The following SLC18A2 variants were observed in gnomAD, a reference collection of about 807,000 sequenced individuals.
The protein encoded by SLC18A2 is solute carrier family 18 member A2, also known as synaptic vesicular amine transporter.
SLC18A2 carries 33 observed loss-of-function variants against 59.2 expected under a neutral mutation model. That is an observed-to-expected ratio of 0.56 (90% confidence interval 0.42 to 0.75). The LOEUF (loss-of-function observed/expected upper bound fraction) is 0.75. SLC18A2 is among the 30% of genes least tolerant of loss of function. The pLI is 0.00. For missense variants in SLC18A2, 569 were observed against 668.6 expected, an observed-to-expected ratio of 0.85 and a Z score of 1.64; for synonymous variants, 228 against 253.5, an observed-to-expected ratio of 0.90 and a Z score of 0.95.
chr10:117,255,587 T>G lies in SLC18A2; in HGVS notation c.835-10T>G. The G allele has an allele frequency of 6.2e-7, 1 of 1,614,082 alleles. No individual in the cohort carries two copies. Among genetic ancestry groups the G allele is most frequent in the Middle Eastern group, 1.7e-4 (1 of 6,046 alleles). ...GGTGCTGCTTCTGACCCGTGTTTTTTTCTTGACAGAGTCAGAAGGGGACAC... is the reference window on the plus strand; with the variant it reads ...GGTGCTGCTTCTGACCCGTGTTTTTGTCTTGACAGAGTCAGAAGGGGACAC... On this transcript the variant is annotated splice_polypyrimidine_tract_variant and intron_variant, in intron 8 of 15. Transcript: ENST00000644641.
intron 7 of SLC18A2, 51 bp from the exon 8 acceptor site, chr10:117,255,428 C>G: frequency 1.2e-6 from 2 of 1,614,080 alleles, no homozygotes; most frequent in Non-Finnish European, 1.7e-6. Context: ...CGCGCTTGGG[C>G]CACACCTGCT....
At chr10:117,267,164 T>G (rs1479172006) in intron 12 of SLC18A2, 129 bp downstream of exon 12, 10 of 702,372 alleles carry the variant, frequency 1.4e-5, no homozygotes, top group Non-Finnish European at 2.2e-5. Context: ...CATTTTATTC[T>G]AATTTTTTAT....
At chr10:117,245,693 C>A (rs545228887) in intron 3 of SLC18A2, among the ~76,000 whole-genome samples, 1 of 152,074 alleles carries the variant, frequency 6.6e-6, no homozygotes, top group Admixed American at 6.5e-5. Flanking sequence ...AGAGCAGAGC[C>A]CTGTGCGACT....
intron 15 of SLC18A2, among the ~76,000 whole-genome samples, chr10:117,270,782 A>G (rs763164104): frequency 2.0e-5 from 3 of 152,194 alleles, no homozygotes; most frequent in Non-Finnish European, 4.4e-5. Context: ...TCTTGGACAC[A>G]ATCTTTCTGC....
At chr10:117,272,802 G>A (rs1472702706) in intron 15 of SLC18A2, among the ~76,000 whole-genome samples, 2 of 152,196 alleles carry the variant, frequency 1.3e-5, no homozygotes, top group African/African-American at 4.8e-5. Context: ...TGACATTTGA[G>A]AGTGGTGGCC....
At chr10:117,258,766 C>T (rs542519764) in intron 10 of SLC18A2, among the ~76,000 whole-genome samples, 2 of 106,128 alleles carry the variant, frequency 1.9e-5, no homozygotes, top group African/African-American at 6.9e-5. Flanking sequence ...ACCCCCGACT[C>T]TTTTTTTTTT....
At chr10:117,263,947 G>A (rs1232013577) in intron 10 of SLC18A2, among the ~76,000 whole-genome samples, 1 of 152,214 alleles carries the variant, frequency 6.6e-6, no homozygotes, top group Admixed American at 6.5e-5. Flanking sequence ...GCCTGCCATA[G>A]GACAGGGCAG....
intron 8 of SLC18A2, 26 bp downstream of exon 8, chr10:117,255,548 G>A: frequency 1.9e-6 from 3 of 1,614,088 alleles, no homozygotes; most frequent in Non-Finnish European, 2.5e-6. Flanking sequence ...TGAGGGCCCT[G>A]GGGGAGGGGG....
chr10:117,243,921 GA>G, intron 2 of SLC18A2, 49 bp from the exon 3 acceptor site: 1 of 1,470,536 alleles, frequency 6.8e-7, no homozygotes, highest in Non-Finnish European at 9.3e-7. Context: ...TTTTTTCCTG[GA>G]GAGGGTTTCA....
intron 3 of SLC18A2, among the ~76,000 whole-genome samples, chr10:117,246,234 T>G (rs1844109429): frequency 6.6e-6 from 1 of 152,248 alleles, no homozygotes; most frequent in Non-Finnish European, 1.5e-5. Flanking sequence ...GCCAATCACT[T>G]GGGTGGAACG....
At chr10:117,264,229 G>A (rs1329170318) in intron 10 of SLC18A2, among the ~76,000 whole-genome samples, 1 of 152,228 alleles carries the variant, frequency 6.6e-6, no homozygotes. Context: ...TTGCCCCGCA[G>A]AAGGGAGGGT....
At chr10:117,277,055 T>C (rs1186271051) in intron 15 of SLC18A2, 107 bp from the exon 16 acceptor site, 1 of 628,836 alleles carries the variant, frequency 1.6e-6, no homozygotes, top group Non-Finnish European at 2.7e-6. Context: ...TAATAGCAAG[T>C]AATACTACAT....
chr10:117,264,939 T>TTTAAAC, intron 10 of SLC18A2, among the ~76,000 whole-genome samples: 1 of 152,294 alleles, frequency 6.6e-6, no homozygotes, highest in South Asian at 2.1e-4. Context: ...TGTTCCTTAC[T>TTTAAAC]TGGCCAGGTC....
chr10:117,254,299 A>G (rs1321489758), intron 5 of SLC18A2, 106 bp from the exon 6 acceptor site: 2 of 1,181,750 alleles, frequency 1.7e-6, no homozygotes, highest in African/African-American at 3.0e-5. Flanking sequence ...TGAATCTGAC[A>G]GGTTTGGGAA....
Position 117,254,423 on chromosome 10 carries a change from G to A in SLC18A2, c.626G>A (p.Ser209Asn), listed in dbSNP as rs777586782. The A allele has an allele frequency of 6.2e-7, 1 of 1,603,104 alleles. No homozygotes were observed. The highest frequency in any genetic ancestry group is 1.3e-5 in the African/African-American group (1 of 74,510). Reference protein sequence around the residue: ...SSVAGMGMLASVYTDDEERGN... With the variant: ...SSVAGMGMLANVYTDDEERGN... The stretch of plus-strand genomic sequence containing the variant: ...TGTGTAGGGATGGGCATGCTTGCCA[G>A]TGTCTACACAGATGATGAAGAGAGA... The change falls in exon 6 of 16, where the codon AGT (serine) becomes AAT (asparagine). Residue 209 changes from serine (S) to asparagine (N), a missense_variant. By Grantham distance (46) the Ser-to-Asn change is conservative. Transcript: ENST00000644641.
Position 117,253,970 on chromosome 10 carries a change from G to T in SLC18A2, c.524-78G>T, listed in dbSNP as rs537379738. On this transcript the variant is annotated intron_variant, in intron 4 of 15. Transcript: ENST00000644641. ...CAAATGCTCCACTGGGTTAAGGGGG[G>T]CTTCTGAAACGTTCCTGTTTGGGAC... 3.1e-6 allele frequency: 4 copies of T among 1,302,124 alleles called. No homozygotes were observed. In the African/African-American group the frequency reaches 5.8e-5, roughly 19 times the overall value. The allele number at this position is 1,302,124 out of a possible 1,614,324, so 80.7% of individuals were successfully genotyped here. A position where few individuals can be genotyped will look rare whatever the true frequency, so the allele number is the denominator to read the frequency against.
chr10:117,255,535 G>A lies in SLC18A2; in HGVS notation c.834+13G>A. The A allele has an allele frequency of 6.2e-7, 1 of 1,614,184 alleles. No homozygotes were observed. The highest frequency in any genetic ancestry group is 8.5e-7 in the Non-Finnish European group (1 of 1,180,042). ...GGTGCAGCCAGAGGTAAGCGGCTGGGAATGAGGGCCCTGGGGGAGGGGGCA... is the reference window on the plus strand; with the variant it reads ...GGTGCAGCCAGAGGTAAGCGGCTGGAAATGAGGGCCCTGGGGGAGGGGGCA... On this transcript the variant is annotated intron_variant, in intron 8 of 15. Transcript: ENST00000644641.
rs1265705268 is a variant in SLC18A2 at position 117,277,520 on chromosome 10, T to C, written c.*254T>C. On this transcript the variant is annotated 3_prime_UTR_variant, in exon 16 of 16. Coordinates refer to ENST00000644641, the MANE Select transcript of SLC18A2 (RefSeq NM_003054.6). Reference sequence around the variant, plus strand: ...TTTAATTTTATTAAATATCATACAATATATTTTGATGAAATAGGTATTGTG... The same window carrying C: ...TTTAATTTTATTAAATATCATACAACATATTTTGATGAAATAGGTATTGTG... The C allele has an allele frequency of 1.4e-5, 3 of 219,808 alleles. No individual in the cohort carries two copies. Among genetic ancestry groups the C allele is most frequent in the Non-Finnish European group, 2.7e-5 (3 of 112,710 alleles). The allele number at this position is 219,808 out of a possible 1,614,324, so 13.6% of individuals were successfully genotyped here. A position where few individuals can be genotyped will look rare whatever the true frequency, so the allele number is the denominator to read the frequency against.
chr10:117,257,104 G>A (rs1290885337), intron 9 of SLC18A2, among the ~76,000 whole-genome samples: 1 of 152,174 alleles, frequency 6.6e-6, no homozygotes, highest in African/African-American at 2.4e-5. Flanking sequence ...CCTTCATCAC[G>A]ATTGCACAAT....
Sources: gnomAD v4.1 joint callset for allele counts (sites outside exome capture counted in the v4.1 genomes callset) on GRCh38, gnomAD v4.1.1 for gene constraint, MANE v1.5 for transcripts, NCBI Gene and HGNC (gene_info 2026-07-23, HGNC 2026-07-21) for gene names.